The following PELI2 variants were observed in gnomAD, a reference collection of about 807,000 sequenced individuals.
The protein encoded by PELI2 is pellino E3 ubiquitin protein ligase family member 2.
Under a neutral mutation model 42.3 loss-of-function variants are expected in PELI2, and 23 were observed. The ratio of observed to expected loss-of-function variants is 0.54; its 90% CI spans 0.39 to 0.77. The LOEUF is 0.77. PELI2 is among the 30% of genes least tolerant of loss of function. The pLI, the probability that PELI2 is intolerant of heterozygous loss-of-function variation, is 0.00. For missense variants in PELI2, 463 were observed against 553.2 expected, an observed-to-expected ratio of 0.84 and a Z score of 1.64; for synonymous variants, 245 against 212.2, an observed-to-expected ratio of 1.15 and a Z score of -1.34.
chr14:56,154,278 C>T (rs1460035904), intron 1 of PELI2, among the ~76,000 whole-genome samples: 1 of 152,138 alleles, frequency 6.6e-6, no homozygotes, highest in Non-Finnish European at 1.5e-5. Context: ...TAGAATTACA[C>T]AGTCTACTTG....
At chr14:56,124,859 A>C (rs1211285501) in intron 1 of PELI2, among the ~76,000 whole-genome samples, 1 of 152,198 alleles carries the variant, frequency 6.6e-6, no homozygotes, top group Non-Finnish European at 1.5e-5. Context: ...GAACAGAGAA[A>C]CACTCTTTAT....
At chr14:56,263,552 G>T (rs756503944) in intron 2 of PELI2, among the ~76,000 whole-genome samples, 1 of 152,084 alleles carries the variant, frequency 6.6e-6, no homozygotes, top group African/African-American at 2.4e-5. Context: ...TAAAAGGTGG[G>T]CAAGGAAGGA....
intron 2 of PELI2, among the ~76,000 whole-genome samples, chr14:56,237,633 G>T (rs1186568233): frequency 6.6e-6 from 1 of 150,856 alleles, no homozygotes; most frequent in Non-Finnish European, 1.5e-5. Flanking sequence ...AATATGGTTT[G>T]AGGTAAATCT....
At position 56,297,146 on chromosome 14, in the gene PELI2, T is replaced by C. The variant is rs1348500133; in HGVS notation, c.1243T>C (p.Phe415Leu). 2.5e-5 allele frequency: 40 copies of C among 1,600,374 alleles called. No homozygotes were observed. The highest frequency in any genetic ancestry group is 3.2e-5 in the Non-Finnish European group (38 of 1,179,180). ...VGEQNCIKLI[F>L]QGPID ...GGAGCAAAACTGCATCAAATTAATT[T>C]TCCAAGGTCCAATTGACTGACGCCC... Residue 415 changes from phenylalanine (F) to leucine (L), a missense_variant, in exon 6 of 6, where the codon TTC becomes CTC. By Grantham distance (22) the Phe-to-Leu change is conservative. This residue lies in a region of PELI2 where 103 missense variants were observed against 129.6 expected (regional missense o/e 0.80). Coordinates refer to ENST00000267460, the MANE Select transcript of PELI2 (RefSeq NM_021255.3).
At chr14:56,226,713 T>C (rs958319299) in intron 2 of PELI2, among the ~76,000 whole-genome samples, 8 of 152,196 alleles carry the variant, frequency 5.3e-5, no homozygotes, top group Non-Finnish European at 8.8e-5. Flanking sequence ...TTAATTTATT[T>C]TACTGAAAAA....
At chr14:56,171,993 G>A (rs139337497) in intron 1 of PELI2, among the ~76,000 whole-genome samples, 134 of 152,134 alleles carry the variant, frequency 8.8e-4, no homozygotes, top group African/African-American at 3.1e-3. Flanking sequence ...TCCAGCCTGG[G>A]TGACAGAGGA....
intron 2 of PELI2, among the ~76,000 whole-genome samples, chr14:56,220,792 A>AGT (rs1311001159): frequency 2.0e-5 from 3 of 152,174 alleles, no homozygotes; most frequent in Non-Finnish European, 4.4e-5. Context: ...GAAGATGGGG[A>AGT]GTAGGAAGGA....
At chr14:56,157,538 C>G (rs1039788946) in intron 1 of PELI2, among the ~76,000 whole-genome samples, 1 of 151,940 alleles carries the variant, frequency 6.6e-6, no homozygotes, top group Admixed American at 6.5e-5. Flanking sequence ...CACTCCCCCC[C>G]AAAAAAAATC....
intron 1 of PELI2, chr14:56,118,970 C>G (rs945365933): frequency 4.2e-6 from 1 of 240,538 alleles, no homozygotes; most frequent in African/African-American, 2.3e-5. Context: ...GAGGACGCGG[C>G]GGAGGAAGTG....
intron 2 of PELI2, among the ~76,000 whole-genome samples, chr14:56,199,314 A>G (rs1886249034): frequency 6.6e-6 from 1 of 151,842 alleles, no homozygotes; most frequent in Admixed American, 6.6e-5. Context: ...TCTAATCTCC[A>G]TTTACTTCTG....
At chr14:56,256,921 C>G (rs2139826584) in intron 2 of PELI2, among the ~76,000 whole-genome samples, 2 of 152,250 alleles carry the variant, frequency 1.3e-5, no homozygotes, top group Admixed American at 1.3e-4. Flanking sequence ...TGCCAGCTGT[C>G]TAACTAGCTA....
chr14:56,185,197 C>T (rs1457942746), intron 2 of PELI2, among the ~76,000 whole-genome samples: 1 of 152,008 alleles, frequency 6.6e-6, no homozygotes, highest in African/African-American at 2.4e-5. Context: ...CTGTTACTAA[C>T]CCTCTATTAC....
intron 1 of PELI2, among the ~76,000 whole-genome samples, chr14:56,153,293 A>G (rs1044108442): frequency 2.0e-5 from 3 of 152,122 alleles, no homozygotes; most frequent in Admixed American, 2.0e-4. Context: ...GTATATAATG[A>G]TTTTGGCAGT....
At position 56,203,187 on chromosome 14, in the gene PELI2, A is replaced by C. The variant is rs372867239; in HGVS notation, c.207+24723A>C. ...TCCTGTCTCTACTAAAAATACAAAAATTAGCCAGGCATCACAGTGGCACAT... is the reference window on the plus strand; with the variant it reads ...TCCTGTCTCTACTAAAAATACAAAACTTAGCCAGGCATCACAGTGGCACAT... On this transcript the variant is annotated intron_variant, in intron 2 of 5. Coordinates refer to ENST00000267460, the MANE Select transcript of PELI2 (RefSeq NM_021255.3). Among the ~76,000 whole-genome samples the C allele has an allele frequency of 2.7e-3, 407 of 152,268 alleles. 3 individuals carry two copies. The highest frequency in any genetic ancestry group is 8.2e-3 in the African/African-American group (341 of 41,554).
chr14:56,213,380 G>C (rs993841283), intron 2 of PELI2, among the ~76,000 whole-genome samples: 1 of 152,222 alleles, frequency 6.6e-6, no homozygotes, highest in Non-Finnish European at 1.5e-5. Context: ...AAGGGAATTA[G>C]CTGATTGGAT....
At chr14:56,220,227 G>T (rs1887073393) in intron 2 of PELI2, among the ~76,000 whole-genome samples, 1 of 152,164 alleles carries the variant, frequency 6.6e-6, no homozygotes, top group African/African-American at 2.4e-5. Context: ...GGGCCACACT[G>T]CAGGATTGAT....
chr14:56,211,291 T>C (rs1886704820), intron 2 of PELI2, among the ~76,000 whole-genome samples: 1 of 152,190 alleles, frequency 6.6e-6, no homozygotes, highest in Admixed American at 6.5e-5. Context: ...AAGGTCAGTA[T>C]GGAGTCACAA....
rs1889722587 is a variant in PELI2 at position 56,288,689 on chromosome 14, T to C, written c.507+55T>C. The C allele has an allele frequency of 1.5e-6, 2 of 1,343,874 alleles. No homozygotes were observed. The highest frequency in any genetic ancestry group is 1.8e-5 in the African/African-American group (1 of 55,120). 83.2% of individuals were successfully genotyped at this position (1,343,874 alleles called of 1,614,324 possible). Reference sequence around the variant, plus strand: ...TAGAAAAATGCTTGTGATTATGATATGGAACATTTAATTGGAGCAAAAAAA... The same window carrying C: ...TAGAAAAATGCTTGTGATTATGATACGGAACATTTAATTGGAGCAAAAAAA... On this transcript the variant is annotated intron_variant, in intron 4 of 5. Transcript: ENST00000267460. This position sits in a 1 kb window ranked among gnomAD's most constrained non-coding sequence, Gnocchi z 4.6.
chr14:56,290,530 C>T, intron 5 of PELI2, 74 bp downstream of exon 5: 1 of 1,161,328 alleles, frequency 8.6e-7, no homozygotes, highest in South Asian at 1.7e-5. Context: ...CATTTTCCTC[C>T]CCTGATGTTC....
Sources: gnomAD v4.1 joint callset for allele counts (sites outside exome capture counted in the v4.1 genomes callset) on GRCh38, gnomAD v4.1.1 for gene constraint, gnomAD v4.1.1 regional missense constraint, Gnocchi (gnomAD v3.1) non-coding constraint, MANE v1.5 for transcripts, NCBI Gene and HGNC (gene_info 2026-07-23, HGNC 2026-07-21) for gene names.